COG5: variants seen among roughly 807,000 people sequenced by gnomAD.
COG5 encodes conserved oligomeric Golgi complex subunit 5.
A neutral mutation model predicts 110.4 loss-of-function variants in COG5; 86 were observed. The observed-to-expected ratio is 0.78, with a 90% CI of 0.65 to 0.93. COG5 has a LOEUF of 0.93. Ranked by LOEUF, COG5 falls within the 40% of genes least tolerant of loss-of-function variation. COG5 has a pLI of 0.00. For synonymous variants in COG5, 360 were observed against 334.6 expected (o/e 1.08, Z -0.83); for missense variants, 1,077 against 987.0 (o/e 1.09, Z -1.22).
At chr7:107,511,518 A>C (rs1235804949) in intron 6 of COG5, among the ~76,000 whole-genome samples, 1 of 152,218 alleles carries the variant, frequency 6.6e-6, no homozygotes, top group African/African-American at 2.4e-5. Flanking sequence ...CAATAGAAAA[A>C]GAGGGAATCC....
chr7:107,232,154 AATAAAT>A (rs1378199091), intron 18 of COG5, among the ~76,000 whole-genome samples: 1 of 152,268 alleles, frequency 6.6e-6, no homozygotes, highest in African/African-American at 2.4e-5. Context: ...AAGAATCATA[AATAAAT>A]ATAAAGATAA....
intron 6 of COG5, among the ~76,000 whole-genome samples, chr7:107,491,939 T>C (rs935501686): frequency 2.0e-5 from 3 of 152,124 alleles, no homozygotes; most frequent in African/African-American, 7.2e-5. Context: ...ATGAACTTCA[T>C]TAATCTGCAT....
chr7:107,245,280 A>T (rs1394816881), intron 17 of COG5, among the ~76,000 whole-genome samples: 3 of 152,232 alleles, frequency 2.0e-5, no homozygotes, highest in Non-Finnish European at 2.9e-5. Context: ...CAAAGCTGGA[A>T]GCAATCCCCT....
At chr7:107,537,366 A>G (rs1163920641) in intron 5 of COG5, among the ~76,000 whole-genome samples, 1 of 152,210 alleles carries the variant, frequency 6.6e-6, no homozygotes, top group Non-Finnish European at 1.5e-5. Flanking sequence ...TAGACTGGAT[A>G]AAGAAAATGT....
intron 2 of COG5, among the ~76,000 whole-genome samples, chr7:107,555,816 A>G (rs1803273232): frequency 6.6e-6 from 1 of 152,142 alleles, no homozygotes; most frequent in African/African-American, 2.4e-5. Context: ...GTTTGAGACC[A>G]GCCTGGCCAA....
chr7:107,522,435 T>C (rs890288872), intron 6 of COG5, among the ~76,000 whole-genome samples: 3 of 152,104 alleles, frequency 2.0e-5, no homozygotes, highest in Non-Finnish European at 4.4e-5. Context: ...GCCATTGCAC[T>C]CCAGCCTGTG....
intron 6 of COG5, among the ~76,000 whole-genome samples, chr7:107,478,338 T>C (rs115581899): frequency 0.013 from 1,902 of 152,078 alleles, 51 homozygotes; most frequent in African/African-American, 0.042. Flanking sequence ...TCTGTACTTC[T>C]GACCCAAGTC....
chr7:107,220,057 A>G (rs1238988870), intron 19 of COG5, among the ~76,000 whole-genome samples: 1 of 152,186 alleles, frequency 6.6e-6, no homozygotes. Context: ...TAAAAGCTAG[A>G]AGTGGCAAAG....
At chr7:107,497,385 A>G (rs958470256) in intron 6 of COG5, among the ~76,000 whole-genome samples, 2 of 152,216 alleles carry the variant, frequency 1.3e-5, no homozygotes, top group Non-Finnish European at 2.9e-5. Flanking sequence ...ACATGATCTA[A>G]TATTTACAGA....
rs576634527 is a variant in COG5 at position 107,315,116 on chromosome 7, G to T, written c.1108+9324C>A. Among the ~76,000 whole-genome samples, 4 of 150,146 alleles carry T rather than the reference G, an allele frequency of 2.7e-5. No homozygotes were observed. The East Asian group carries it at 7.8e-4, about 29-fold the overall frequency. ...TATTAAGGTAGACATTAATTTTCAAGAAATATTCACAATATGATCTCAACT... is the reference window on the plus strand; with the variant it reads ...TATTAAGGTAGACATTAATTTTCAATAAATATTCACAATATGATCTCAACT... On this transcript the variant is annotated intron_variant, in intron 11 of 21. Transcript: ENST00000297135.
chr7:107,353,424 C>CAA lies in COG5; in HGVS notation c.1026+8607_1026+8608dup, dbSNP rs1169669994. Among the ~76,000 whole-genome samples the CAA allele has an allele frequency of 3.4e-3, 282 of 83,908 alleles. 4 individuals are homozygous for CAA. The highest frequency in any genetic ancestry group is 8.3e-3 in the African/African-American group (196 of 23,668). 55.0% of individuals were successfully genotyped at this position (83,908 alleles called of 152,430 possible). A position where few individuals can be genotyped will look rare whatever the true frequency, so the allele number is the denominator to read the frequency against. On this transcript the variant is annotated intron_variant, in intron 10 of 21. Coordinates refer to ENST00000297135, the MANE Select transcript of COG5 (RefSeq NM_006348.5). Reference sequence around the variant, plus strand: ...TGGGCGACAGAGCGAGACTCCGTCTCAAAAAAAAAAAAAAAAAAAGAAAAC... The same window carrying CAA: ...TGGGCGACAGAGCGAGACTCCGTCTCAAAAAAAAAAAAAAAAAAAAAGAAAAC...
chr7:107,489,769 T>C (rs1324267395), intron 6 of COG5, among the ~76,000 whole-genome samples: 1 of 152,100 alleles, frequency 6.6e-6, no homozygotes, highest in Non-Finnish European at 1.5e-5. Context: ...ACAACTAACT[T>C]GCAACACAGC....
chr7:107,395,677 C>G (rs529751189), intron 7 of COG5, among the ~76,000 whole-genome samples: 1 of 151,520 alleles, frequency 6.6e-6, no homozygotes, highest in South Asian at 2.1e-4. Context: ...GCCTCAGCCT[C>G]CCAAGTAGCT....
intron 2 of COG5, 134 bp downstream of exon 2, chr7:107,557,842 T>G (rs943969334): frequency 1.7e-6 from 2 of 1,208,468 alleles, no homozygotes; most frequent in Admixed American, 4.4e-5. Context: ...AAAAATTTAC[T>G]TTGAAAAATA....
chr7:107,265,595 A>G (rs1250628002), intron 14 of COG5, among the ~76,000 whole-genome samples: 4 of 152,208 alleles, frequency 2.6e-5, no homozygotes, highest in Non-Finnish European at 5.9e-5. Context: ...TATTTTTCAA[A>G]TGCTTTTATC....
chr7:107,554,255 CAT>C, intron 3 of COG5, 28 bp downstream of exon 3: 1 of 1,602,176 alleles, frequency 6.2e-7, no homozygotes, highest in Non-Finnish European at 8.6e-7. Context: ...TCTAGCTCTA[CAT>C]AATCTCTAGC....
chr7:107,491,907 A>G (rs368811614), intron 6 of COG5, among the ~76,000 whole-genome samples: 3 of 152,164 alleles, frequency 2.0e-5, no homozygotes, highest in South Asian at 2.1e-4. Flanking sequence ...ATAATATCCC[A>G]TAAGTATCCC....
chr7:107,354,821 ATTTGAGATTACAT>A (rs1464780047), intron 10 of COG5, among the ~76,000 whole-genome samples: 1 of 152,216 alleles, frequency 6.6e-6, no homozygotes, highest in African/African-American at 2.4e-5. Context: ...CTCATCTGAT[ATTTGAGATTACAT>A]GACCTACCCA....
chr7:107,303,432 G>GT (rs1183429676), intron 11 of COG5, among the ~76,000 whole-genome samples: 1 of 151,826 alleles, frequency 6.6e-6, no homozygotes, highest in Non-Finnish European at 1.5e-5. Flanking sequence ...TTGTTTGTTT[G>GT]TTTTTTGTTT....
Sources: allele counts gnomAD v4.1 joint callset (sites outside exome capture counted in the v4.1 genomes callset), GRCh38; gene constraint gnomAD v4.1.1; transcripts MANE v1.5; gene names NCBI Gene and HGNC (gene_info 2026-07-23, HGNC 2026-07-21).